The following WT1 variants were observed in gnomAD, a reference collection of about 807,000 sequenced individuals.
The protein encoded by WT1 is Wilms tumor protein.
Under a neutral mutation model 60.8 loss-of-function variants are expected in WT1, and 8 were observed. The observed-to-expected ratio is 0.13, with a 90% CI of 0.08 to 0.24. The LOEUF (loss-of-function observed/expected upper bound fraction) is 0.24, where lower values mean the gene tolerates loss of function less well. Ranked by LOEUF, WT1 falls within the 10% of genes least tolerant of loss-of-function variation. WT1 has a pLI of 1.00. For missense variants in WT1, 568 were observed against 711.8 expected (o/e 0.80, Z 2.30); for synonymous variants, 312 against 297.1 (o/e 1.05, Z -0.52).
intron 5 of WT1, among the ~76,000 whole-genome samples, chr11:32,407,847 A>T (rs1200254448): frequency 6.6e-6 from 1 of 152,182 alleles, no homozygotes; most frequent in Non-Finnish European, 1.5e-5. Context: ...CCACTCATCA[A>T]TTACATTTAC....
At chr11:32,430,491 A>AGAGAGAGAGAGAGAGAGAGAGAGAGG (rs757737927) in intron 1 of WT1, 2 of 1,527,770 alleles carry the variant, frequency 1.3e-6, no homozygotes, top group African/African-American at 2.9e-5. Flanking sequence ...AGAGAGAGAG[A>AGAGAGAGAGAGAGAGAGAGAGAGAGG]CGAAATAGAA....
intron 8 of WT1, 138 bp downstream of exon 8, chr11:32,392,528 A>G: frequency 1.2e-6 from 1 of 857,306 alleles, no homozygotes; most frequent in Non-Finnish European, 1.9e-6. Flanking sequence ...ACATCTCCAG[A>G]GATTATGGGG....
chr11:32,405,607 T>G (rs1034581496), intron 5 of WT1, among the ~76,000 whole-genome samples: 1 of 144,620 alleles, frequency 6.9e-6, no homozygotes, highest in Admixed American at 7.0e-5. Flanking sequence ...GAGTCATTCA[T>G]TAAGTTCCAT....
At chr11:32,409,437 ACT>A (rs1280634443) in intron 5 of WT1, among the ~76,000 whole-genome samples, 2 of 151,968 alleles carry the variant, frequency 1.3e-5, no homozygotes, top group African/African-American at 4.8e-5. Context: ...AAGCAAAATA[ACT>A]CTTATAAAGA....
At position 32,389,188 on chromosome 11, in the gene WT1, A is replaced by G. The variant is rs1590326385; in HGVS notation, c.1448-9T>C. The G allele has an allele frequency of 1.2e-6, 2 of 1,614,010 alleles. No individual in the cohort carries two copies. Among genetic ancestry groups the G allele is most frequent in the East Asian group, 2.2e-5 (1 of 44,874 alleles). The stretch of plus-strand genomic sequence containing the variant: ...GCTGAAGGGCTTTTCACCTGTTGAC[A>G]CAATTGCCAGTCAGAGACACTTGCA... On this transcript the variant is annotated splice_polypyrimidine_tract_variant and intron_variant, in intron 9 of 9. Coordinates refer to ENST00000452863, the MANE Select transcript of WT1 (RefSeq NM_024426.6).
At chr11:32,407,886 A>G (rs1466178187) in intron 5 of WT1, among the ~76,000 whole-genome samples, 1 of 152,148 alleles carries the variant, frequency 6.6e-6, no homozygotes, top group African/African-American at 2.4e-5. Flanking sequence ...AAAAGGAAAA[A>G]AGAAAATAAA....
At chr11:32,402,981 G>A (rs1852200805) in intron 5 of WT1, among the ~76,000 whole-genome samples, 1 of 152,166 alleles carries the variant, frequency 6.6e-6, no homozygotes, top group Admixed American at 6.5e-5. Flanking sequence ...CTGGAGGGTG[G>A]GGGCATGGGA....
chr11:32,413,945 T>TA (rs1852582301), intron 5 of WT1, among the ~76,000 whole-genome samples: 1 of 152,276 alleles, frequency 6.6e-6, no homozygotes, highest in African/African-American at 2.4e-5. Flanking sequence ...CCTCCTCAGC[T>TA]AAAAAATTGG....
intron 3 of WT1, among the ~76,000 whole-genome samples, chr11:32,423,135 C>T (rs1852909446): frequency 6.6e-6 from 1 of 152,094 alleles, no homozygotes; most frequent in Non-Finnish European, 1.5e-5. Context: ...GAAATTGTGC[C>T]TAGTAAGGTT....
chr11:32,405,564 AAT>A (rs1170701524), intron 5 of WT1, among the ~76,000 whole-genome samples: 10 of 150,654 alleles, frequency 6.6e-5, no homozygotes, highest in Non-Finnish European at 1.3e-4. Context: ...CTTATACATA[AAT>A]ATATATATTT....
chr11:32,394,271 T>C (rs1851902608), intron 7 of WT1, among the ~76,000 whole-genome samples: 1 of 152,116 alleles, frequency 6.6e-6, no homozygotes, highest in South Asian at 2.1e-4. Flanking sequence ...CCCTATTGAG[T>C]CTGATTTCCT....
intron 1 of WT1, chr11:32,429,110 A>G (rs1392374649): frequency 3.7e-6 from 1 of 269,350 alleles, no homozygotes; most frequent in African/African-American, 2.2e-5. Flanking sequence ...GGAGCCAGTT[A>G]AATGGCCTGG....
chr11:32,397,724 C>T (rs981603754), intron 6 of WT1, among the ~76,000 whole-genome samples: 1 of 152,108 alleles, frequency 6.6e-6, no homozygotes, highest in African/African-American at 2.4e-5. Context: ...TGTTCTAGTC[C>T]CTATTTCACA....
intron 5 of WT1, among the ~76,000 whole-genome samples, chr11:32,401,395 G>A (rs1406434312): frequency 1.3e-5 from 2 of 151,926 alleles, no homozygotes; most frequent in African/African-American, 4.8e-5. Flanking sequence ...TCCTAAAATT[G>A]TGGTAATGGT....
intron 5 of WT1, among the ~76,000 whole-genome samples, chr11:32,401,325 G>A (rs1852147286): frequency 6.6e-6 from 1 of 152,204 alleles, no homozygotes; most frequent in African/African-American, 2.4e-5. Flanking sequence ...AACTAGATTA[G>A]TGGTTGGGTG....
chr11:32,404,790 T>C (rs1188398648), intron 5 of WT1, among the ~76,000 whole-genome samples: 2 of 152,222 alleles, frequency 1.3e-5, no homozygotes, highest in African/African-American at 2.4e-5. Flanking sequence ...AGAAACGGAC[T>C]TGGGCACGTG....
At chr11:32,405,844 C>T (rs1852292381) in intron 5 of WT1, among the ~76,000 whole-genome samples, 1 of 152,184 alleles carries the variant, frequency 6.6e-6, no homozygotes, top group South Asian at 2.1e-4. Flanking sequence ...AGTCAGATGG[C>T]AAGTGGCAGA....
rs745506215 is a variant in WT1, at chr11:32,435,151, C to T, written c.210G>A (p.Glu70=). ...GCACGTCGGAGCCCATTTGCTGCGG[C>T]TCAGACCCGGACGCCCCGCGGCTCC... The change falls in exon 1 of 10, where the codon GAG becomes GAA. Residue 70 remains glutamate (E), a synonymous_variant. Coordinates refer to ENST00000452863, the MANE Select transcript of WT1 (RefSeq NM_024426.6). 2 of 1,523,058 alleles carry T rather than the reference C, an allele frequency of 1.3e-6. No individual in the cohort carries two copies. Among genetic ancestry groups the T allele is most frequent in the African/African-American group, 2.8e-5 (2 of 71,496 alleles). The allele number at this position is 1,523,058 out of a possible 1,614,324, so 94.3% of individuals were successfully genotyped here. A position where few individuals can be genotyped will look rare whatever the true frequency, so the allele number is the denominator to read the frequency against.
intron 4 of WT1, among the ~76,000 whole-genome samples, chr11:32,417,075 C>T (rs2133034732): frequency 6.6e-6 from 1 of 152,072 alleles, no homozygotes; most frequent in East Asian, 1.9e-4. Flanking sequence ...TCTGATGTTT[C>T]CTGGCTGTAT....
Sources: allele counts gnomAD v4.1 joint callset (sites outside exome capture counted in the v4.1 genomes callset), GRCh38; gene constraint gnomAD v4.1.1; transcripts MANE v1.5; gene names NCBI Gene and HGNC (gene_info 2026-07-23, HGNC 2026-07-21).